The following DSCAM variants were observed in gnomAD, a reference collection of about 807,000 sequenced individuals.
DSCAM encodes cell adhesion molecule DSCAM.
A neutral mutation model predicts 217.7 loss-of-function variants in DSCAM; 47 were observed. That is an observed-to-expected ratio of 0.22 (90% CI 0.17 to 0.28). The LOEUF (loss-of-function observed/expected upper bound fraction) is 0.28. DSCAM is among the 10% of genes least tolerant of loss of function. DSCAM has a pLI of 1.00. For synonymous variants in DSCAM, 1,056 were observed against 1,015.3 expected, an observed-to-expected ratio of 1.04 and a Z score of -0.76; for missense variants, 2,080 against 2,618.3, an observed-to-expected ratio of 0.79 and a Z score of 4.49.
intron 3 of DSCAM, among the ~76,000 whole-genome samples, chr21:40,664,871 G>A (rs2090182837): frequency 6.6e-6 from 1 of 152,184 alleles, no homozygotes; most frequent in Non-Finnish European, 1.5e-5. Context: ...CTGGTGGGAG[G>A]TGACCAGGTC....
intron 1 of DSCAM, among the ~76,000 whole-genome samples, chr21:40,737,636 A>G (rs2091078391): frequency 6.6e-6 from 1 of 152,178 alleles, no homozygotes; most frequent in African/African-American, 2.4e-5. Flanking sequence ...GCAAAACTCC[A>G]TCTCAAAAAC....
In DSCAM at chr21:40,144,806, G is replaced by A. The variant is rs533221150; in HGVS notation, c.3019-75C>T. ...GAGCGAAATCAACGCCCACACCCAC[G>A]TAGGAAAGCAGAAATAAAGTGGAGT... On this transcript the variant is annotated intron_variant, in intron 16 of 32. Coordinates refer to ENST00000400454, the MANE Select transcript of DSCAM (RefSeq NM_001389.5). This position sits in a 1 kb window ranked among gnomAD's most constrained non-coding sequence, Gnocchi z 4.8. The A allele has an allele frequency of 7.8e-5, 123 of 1,585,532 alleles. 1 individual carries two copies. The South Asian group carries it at 1.2e-3, about 16-fold the overall frequency.
intron 21 of DSCAM, among the ~76,000 whole-genome samples, chr21:40,089,506 A>G (rs1223844653): frequency 1.3e-5 from 2 of 152,154 alleles, no homozygotes; most frequent in African/African-American, 4.8e-5. Context: ...GGCTTCCCCC[A>G]GGACCAGTGC....
chr21:40,532,868 C>CTGTGTGTGTG (rs58575678), intron 3 of DSCAM, among the ~76,000 whole-genome samples: 4 of 145,918 alleles, frequency 2.7e-5, no homozygotes, highest in Non-Finnish European at 4.6e-5. Context: ...CCACAAGGCT[C>CTGTGTGTGTG]TGTGTGTGTG....
chr21:40,743,281 A>G (rs1444129165), intron 1 of DSCAM, among the ~76,000 whole-genome samples: 1 of 152,182 alleles, frequency 6.6e-6, no homozygotes, highest in Admixed American at 6.5e-5. Flanking sequence ...GTAAAATACC[A>G]CTAATAGACT....
intron 11 of DSCAM, among the ~76,000 whole-genome samples, chr21:40,224,515 T>C (rs448051): frequency 0.45 from 68,798 of 152,010 alleles, 15,877 homozygotes; most frequent in African/African-American, 0.53. Flanking sequence ...ATGACACTGA[T>C]GGGAAGAGCT....
chr21:40,204,409 A>G (rs1341975276), intron 11 of DSCAM, among the ~76,000 whole-genome samples: 1 of 152,150 alleles, frequency 6.6e-6, no homozygotes, highest in African/African-American at 2.4e-5. Context: ...CTTTCTCCCA[A>G]ATTTTGTGTG....
intron 21 of DSCAM, among the ~76,000 whole-genome samples, chr21:40,087,810 C>T (rs2146577930): frequency 1.3e-5 from 2 of 152,286 alleles, no homozygotes; most frequent in Admixed American, 1.3e-4. Context: ...TTCAGAGTGG[C>T]CTCTCTTGAA....
At chr21:40,577,689 T>G (rs1405721824) in intron 3 of DSCAM, among the ~76,000 whole-genome samples, 1 of 152,036 alleles carries the variant, frequency 6.6e-6, no homozygotes, top group African/African-American at 2.4e-5. Context: ...ATACTTTGGT[T>G]TAGAAAGGGG....
At chr21:40,238,699 C>T (rs1158655601) in intron 11 of DSCAM, among the ~76,000 whole-genome samples, 1 of 152,196 alleles carries the variant, frequency 6.6e-6, no homozygotes, top group African/African-American at 2.4e-5. Context: ...CTTTTCCATG[C>T]CTAAACCATG....
At chr21:40,221,875 CT>C (rs1245029896) in intron 11 of DSCAM, among the ~76,000 whole-genome samples, 3 of 152,142 alleles carry the variant, frequency 2.0e-5, no homozygotes, top group Non-Finnish European at 4.4e-5. Context: ...TTTTAACATT[CT>C]GTGTGACAGA....
At chr21:40,083,781 G>A (rs2089494472) in intron 24 of DSCAM, 127 bp downstream of exon 24, 3 of 611,404 alleles carry the variant, frequency 4.9e-6, no homozygotes. Flanking sequence ...TGGAGGGATT[G>A]TTTATATGAC....
chr21:40,378,590 T>A lies in DSCAM; in HGVS notation c.509-9345A>T, dbSNP rs1200752713. ...TTTTTTTTTTTTTTTTTTTTTTTTT[T>A]TTTTTTTTTTTTTTTTTTTGAGACG... is the stretch of plus-strand genomic sequence containing the variant. On this transcript the variant is annotated intron_variant, in intron 3 of 32. Coordinates refer to ENST00000400454, the MANE Select transcript of DSCAM (RefSeq NM_001389.5). Among the ~76,000 whole-genome samples, 53 of 34,896 alleles carry A rather than the reference T, an allele frequency of 1.5e-3. 11 individuals are homozygous for A. The highest frequency in any genetic ancestry group is 4.7e-3 in the African/African-American group (41 of 8,772). 22.9% of individuals were successfully genotyped at this position (34,896 alleles called of 152,430 possible). A position where few individuals can be genotyped will look rare whatever the true frequency, so the allele number is the denominator to read the frequency against.
intron 6 of DSCAM, among the ~76,000 whole-genome samples, chr21:40,344,375 A>G (rs1215908728): frequency 6.6e-6 from 1 of 152,212 alleles, no homozygotes; most frequent in African/African-American, 2.4e-5. Flanking sequence ...TCCTGTAGAT[A>G]TAAATGTCCA....
intron 1 of DSCAM, among the ~76,000 whole-genome samples, chr21:40,720,504 G>T (rs148221258): frequency 6.6e-6 from 1 of 152,032 alleles, no homozygotes; most frequent in Admixed American, 6.6e-5. Context: ...TGCCTTTAAC[G>T]TTAATATATT....
chr21:40,366,736 A>C (rs2074836823), intron 4 of DSCAM, among the ~76,000 whole-genome samples: 1 of 152,120 alleles, frequency 6.6e-6, no homozygotes, highest in Admixed American at 6.6e-5. Flanking sequence ...GAGAGGATGA[A>C]ATGAGTATAT....
Position 40,038,911 on chromosome 21 carries a change from G to A in DSCAM, c.5686+3460C>T, listed in dbSNP as rs62235625. Among the ~76,000 whole-genome samples, 758 of 150,178 alleles carry A rather than the reference G, an allele frequency of 5.0e-3. 2 individuals are homozygous for A. Among genetic ancestry groups the A allele is most frequent in the Middle Eastern group, 0.014 (4 of 290 alleles). On this transcript the variant is annotated intron_variant, in intron 32 of 32. Transcript: ENST00000400454. ...AAATCATCATTCTCAGTAAACTATC[G>A]CAAGAACAAAAAACCAAACGCCGCA...
intron 31 of DSCAM, 27 bp downstream of exon 31, chr21:40,044,051 G>A (rs1208826448): frequency 6.2e-7 from 1 of 1,611,824 alleles, no homozygotes; most frequent in South Asian, 1.1e-5. Context: ...GGTCCCCAGG[G>A]ACGGAGGAGG....
chr21:40,684,160 G>C, intron 3 of DSCAM, among the ~76,000 whole-genome samples: 1 of 151,992 alleles, frequency 6.6e-6, no homozygotes, highest in Non-Finnish European at 1.5e-5. Flanking sequence ...GTGGAGAAGA[G>C]GTTGCAATGA....
Sources: allele counts gnomAD v4.1 joint callset (sites outside exome capture counted in the v4.1 genomes callset), GRCh38; gene constraint gnomAD v4.1.1; non-coding constraint Gnocchi (gnomAD v3.1); transcripts MANE v1.5; gene names NCBI Gene and HGNC (gene_info 2026-07-23, HGNC 2026-07-21).